Variants in ARHGEF17 observed in about 807,000 individuals in gnomAD.
ARHGEF17 encodes Rho guanine nucleotide exchange factor 17.
In ARHGEF17, 80 loss-of-function variants were observed where a neutral mutation model predicts 174.0. The ratio of observed to expected loss-of-function variants is 0.46; its 90% confidence interval spans 0.38 to 0.55. The LOEUF (loss-of-function observed/expected upper bound fraction) is 0.55, where lower values mean the gene tolerates loss of function less well. Ranked by LOEUF, ARHGEF17 falls within the 20% of genes least tolerant of loss-of-function variation. ARHGEF17 has a pLI of 0.00. For missense variants in ARHGEF17, 2,886 were observed against 2,839.7 expected (o/e 1.02, Z -0.37); for synonymous variants, 1,311 against 1,189.1 (o/e 1.10, Z -2.11).
chr11:73,332,076 C>T (rs1865213299), intron 1 of ARHGEF17, among the ~76,000 whole-genome samples: 1 of 152,220 alleles, frequency 6.6e-6, no homozygotes, highest in Non-Finnish European at 1.5e-5. Flanking sequence ...CTTAAGCCAA[C>T]CACTGACCCC....
intron 6 of ARHGEF17, 42 bp downstream of exon 6, chr11:73,356,393 C>G: frequency 6.5e-7 from 1 of 1,544,544 alleles, no homozygotes; most frequent in Non-Finnish European, 8.7e-7. Context: ...CCACCCCACC[C>G]ACATCTGTGT....
intron 1 of ARHGEF17, among the ~76,000 whole-genome samples, chr11:73,326,140 C>G (rs1316277558): frequency 6.6e-6 from 1 of 152,154 alleles, no homozygotes; most frequent in East Asian, 1.9e-4. Context: ...GTTCCTGACC[C>G]AAGAAGCCCC....
rs1249972579 is a variant in ARHGEF17, at chr11:73,309,109, G to A, written c.471G>A (p.Ala157=). 5.1e-6 allele frequency: 8 copies of A among 1,562,406 alleles called. No homozygotes were observed. In the Admixed American group the frequency reaches 9.3e-5, roughly 18 times the overall value. Residue 157 remains alanine (A), a synonymous_variant, in exon 1 of 21, where the codon GCG becomes GCA. Transcript: ENST00000263674. Reference sequence around the variant, plus strand: ...GAACGCCCAGCCCCGACGGTGCCGCGTGGGAGCCTCCGGCTCGGGAGTCGC... The same window carrying A: ...GAACGCCCAGCCCCGACGGTGCCGCATGGGAGCCTCCGGCTCGGGAGTCGC... ...SPGTPSPDGA[A]WEPPARESRQ... is the part of the protein sequence containing the mutation.
chr11:73,357,244 A>G lies in ARHGEF17; in HGVS notation c.4004A>G (p.Tyr1335Cys). 1 of 1,613,844 alleles carries G rather than the reference A, an allele frequency of 6.2e-7. No homozygotes were observed. The highest frequency in any genetic ancestry group is 8.5e-7 in the Non-Finnish European group (1 of 1,179,792). The change falls in exon 9 of 21, where the codon TAC becomes TGC. Residue 1335 changes from tyrosine to cysteine, a missense_variant and splice_region_variant. Tyr to Cys is a radical substitution (Grantham distance 194). Around this residue, in one of 4 missense-constraint regions of ARHGEF17, gnomAD observed 353 missense variants for 470.3 expected, o/e 0.75. Transcript: ENST00000263674. Reference sequence around the variant, plus strand: ...AGCGCCCCATTGGCTCCCCACAGGTACACGGCAGCCAGTGTCATTGACACA... The same window carrying G: ...AGCGCCCCATTGGCTCCCCACAGGTGCACGGCAGCCAGTGTCATTGACACA... Reference protein sequence around the residue: ...GSLRRSSMSLYTAASVIDTAS... With the variant: ...GSLRRSSMSLCTAASVIDTAS...
At chr11:73,320,855 T>A (rs1266431915) in intron 1 of ARHGEF17, among the ~76,000 whole-genome samples, 5 of 152,022 alleles carry the variant, frequency 3.3e-5, no homozygotes, top group Non-Finnish European at 5.9e-5. Flanking sequence ...AGAGGCAAAG[T>A]CTCACTATGT....
intron 1 of ARHGEF17, 54 bp downstream of exon 1, chr11:73,311,884 C>A: frequency 6.5e-7 from 1 of 1,531,104 alleles, no homozygotes; most frequent in Non-Finnish European, 8.8e-7. Context: ...CCATGGGCAC[C>A]GACTTCGGTT....
chr11:73,340,909 C>T (rs902513671), intron 1 of ARHGEF17, among the ~76,000 whole-genome samples: 4 of 152,180 alleles, frequency 2.6e-5, no homozygotes, highest in African/African-American at 7.2e-5. Context: ...AGGCTCCATC[C>T]GCAGGGAAGC....
At chr11:73,342,220 G>A (rs557071243) in intron 1 of ARHGEF17, among the ~76,000 whole-genome samples, 3 of 151,814 alleles carry the variant, frequency 2.0e-5, no homozygotes, top group Non-Finnish European at 2.9e-5. Flanking sequence ...GGGGTGGGGC[G>A]GATGGACAGG....
At chr11:73,325,108 G>A (rs1865079684) in intron 1 of ARHGEF17, among the ~76,000 whole-genome samples, 1 of 152,176 alleles carries the variant, frequency 6.6e-6, no homozygotes, top group African/African-American at 2.4e-5. Flanking sequence ...TGCAGTATCT[G>A]GAAAGCAGAT....
chr11:73,324,687 C>A (rs2135792176), intron 1 of ARHGEF17, among the ~76,000 whole-genome samples: 1 of 152,272 alleles, frequency 6.6e-6, no homozygotes, highest in East Asian at 1.9e-4. Flanking sequence ...GTGCTTAGGC[C>A]CCTGGCTTTC....
chr11:73,309,381 C>G lies in ARHGEF17; in HGVS notation c.743C>G (p.Ala248Gly). 3.8e-6 allele frequency: 6 copies of G among 1,583,524 alleles called. No homozygotes were observed. The highest frequency in any genetic ancestry group is 2.2e-5 in the East Asian group (1 of 44,504). ...TATCCTGTCAGCCGCAGTCGTGCTGCCAGCTCCAGCGAGGAGGAAGAGGAG... is the reference window on the plus strand; with the variant it reads ...TATCCTGTCAGCCGCAGTCGTGCTGGCAGCTCCAGCGAGGAGGAAGAGGAG... ...ASYPVSRSRAASSSEEEEEGP... is the reference protein window; with the variant it reads ...ASYPVSRSRAGSSSEEEEEGP... Residue 248 changes from alanine to glycine, a missense_variant, in exon 1 of 21, where the codon GCC becomes GGC. By Grantham distance (60) the Ala-to-Gly change is moderately conservative (BLOSUM62 0). This residue lies in a region of ARHGEF17 where 1,728 missense variants were observed against 1,461.2 expected (regional missense o/e 1.18). Coordinates refer to ENST00000263674, the MANE Select transcript of ARHGEF17 (RefSeq NM_014786.4).
At chr11:73,334,741 C>T (rs905028137) in intron 1 of ARHGEF17, among the ~76,000 whole-genome samples, 8 of 152,216 alleles carry the variant, frequency 5.3e-5, no homozygotes, top group Admixed American at 2.0e-4. Context: ...CCACCGACAA[C>T]ACATGACTGC....
rs1865765960 is a variant in ARHGEF17, at chr11:73,362,618, AC to A, written c.4885del (p.Arg1629AlafsTer102). 2 of 1,610,912 alleles carry A rather than the reference AC, an allele frequency of 1.2e-6. No homozygotes were observed. The highest frequency in any genetic ancestry group is 8.5e-7 in the Non-Finnish European group (1 of 1,179,958). ...LEMTPGLGEG[D>X]PRPELVPFDS... ...ATGACGCCGGGCCTCGGCGAGGGTG[AC>A]CCCCGCCCAGAGCTGGTGCCCTTTG... On this transcript the variant is annotated frameshift_variant, in exon 14 of 21. Coordinates refer to ENST00000263674, the MANE Select transcript of ARHGEF17 (RefSeq NM_014786.4). LOFTEE classifies it high-confidence loss of function.
In ARHGEF17 at chr11:73,310,897, C is replaced by T. The variant is rs1424259512; in HGVS notation, c.2259C>T (p.Phe753=). ...RAATSEEPTG[F]SVDSNLLGSL... The stretch of plus-strand genomic sequence containing the variant: ...CCACCTCTGAAGAGCCTACTGGGTT[C>T]TCTGTGGACAGCAACCTCCTGGGCT... Residue 753 remains phenylalanine, a synonymous_variant, in exon 1 of 21, where the codon TTC becomes TTT. Transcript: ENST00000263674. 1 of 1,613,282 alleles carries T rather than the reference C, an allele frequency of 6.2e-7. No homozygotes were observed. Among genetic ancestry groups the T allele is most frequent in the Non-Finnish European group, 8.5e-7 (1 of 1,179,662 alleles).
chr11:73,325,550 A>ACT lies in ARHGEF17; in HGVS notation c.3192+13736_3192+13737dup, dbSNP rs144524505. ...TCGCATATAGGCATTGTACACACACACTCTCTCTCTCTCTCTCACTTTCTC... is the reference window on the plus strand; with the variant it reads ...TCGCATATAGGCATTGTACACACACACTCTCTCTCTCTCTCTCTCACTTTCTC... On this transcript the variant is annotated intron_variant, in intron 1 of 20. Coordinates refer to ENST00000263674, the MANE Select transcript of ARHGEF17 (RefSeq NM_014786.4). Among the ~76,000 whole-genome samples, 379 of 149,738 alleles carry ACT rather than the reference A, an allele frequency of 2.5e-3. 1 individual carries two copies. The highest frequency in any genetic ancestry group is 7.2e-3 in the African/African-American group (295 of 40,882).
chr11:73,325,708 G>A (rs186491435), intron 1 of ARHGEF17, among the ~76,000 whole-genome samples: 128 of 152,384 alleles, frequency 8.4e-4, no homozygotes, highest in African/African-American at 3.1e-3. Flanking sequence ...GGGGCAGCCA[G>A]ATGTCAACAA....
intron 1 of ARHGEF17, among the ~76,000 whole-genome samples, chr11:73,339,847 C>T (rs1349527478): frequency 1.3e-5 from 2 of 152,088 alleles, no homozygotes; most frequent in Non-Finnish European, 2.9e-5. Flanking sequence ...GAGTGTGGCT[C>T]TTTCATGGGA....
chr11:73,327,502 C>T (rs1446847227), intron 1 of ARHGEF17, among the ~76,000 whole-genome samples: 1 of 152,220 alleles, frequency 6.6e-6, no homozygotes, highest in African/African-American at 2.4e-5. Context: ...AGGACCTAGG[C>T]CTTGCCCCGC....
At position 73,367,963 on chromosome 11, in the gene ARHGEF17, G is replaced by A; in HGVS notation, c.*183G>A. 1.6e-6 allele frequency: 1 copy of A among 633,006 alleles called. No homozygotes were observed. The highest frequency in any genetic ancestry group is 1.8e-5 in the African/African-American group (1 of 54,798). The allele number at this position is 633,006 out of a possible 1,614,324, so 39.2% of individuals were successfully genotyped here. A position where few individuals can be genotyped will look rare whatever the true frequency, so the allele number is the denominator to read the frequency against. On this transcript the variant is annotated 3_prime_UTR_variant, in exon 21 of 21. Transcript: ENST00000263674. ...AACACCCACTGGCCAGCCAGGCCATGGCTTCTCCCGACCCTCTGGCTGCCC... is the reference window on the plus strand; with the variant it reads ...AACACCCACTGGCCAGCCAGGCCATAGCTTCTCCCGACCCTCTGGCTGCCC...
Sources: gnomAD v4.1 joint callset for allele counts (sites outside exome capture counted in the v4.1 genomes callset) on GRCh38, gnomAD v4.1.1 for gene constraint, gnomAD v4.1.1 regional missense constraint, MANE v1.5 for transcripts, NCBI Gene and HGNC (gene_info 2026-07-23, HGNC 2026-07-21) for gene names.